DMD: variants seen among roughly 807,000 people sequenced by gnomAD.
The protein encoded by DMD is mutant dystrophin.
A neutral mutation model predicts 330.1 loss-of-function variants in DMD; 63 were observed. The observed-to-expected ratio is 0.19, with a 90% CI of 0.16 to 0.24. The LOEUF (loss-of-function observed/expected upper bound fraction) is 0.24, where lower values mean the gene tolerates loss of function less well. Among genes scored for constraint, DMD ranks in the 10% least tolerant of loss-of-function variants. DMD has a pLI of 1.00. For missense variants in DMD, 3,344 were observed against 2,684.1 expected (o/e 1.25, Z -5.43); for synonymous variants, 1,223 against 959.8 (o/e 1.27, Z -5.07).
chrX:32,877,955 G>A (rs1033655021), intron 2 of DMD, among the ~76,000 whole-genome samples: 2 of 111,946 alleles, frequency 1.8e-5, no homozygotes, highest in Admixed American at 1.9e-4. Flanking sequence ...CCATCCCTGA[G>A]AACATTTCCT....
intron 47 of DMD, among the ~76,000 whole-genome samples, chrX:31,909,895 T>C (rs192370019): frequency 1.8e-5 from 2 of 109,223 alleles, no homozygotes; most frequent in Admixed American, 1.9e-4. Flanking sequence ...GAGAGAGATT[T>C]TTATTTTTTC....
chrX:32,645,192 C>A, intron 9 of DMD, 40 bp from the exon 10 acceptor site: 1 of 1,170,367 alleles, frequency 8.5e-7, no homozygotes, highest in Non-Finnish European at 1.2e-6. Context: ...CAATTAATGT[C>A]TTTGCAGATT....
chrX:33,037,229 A>G (rs1401480018), intron 1 of DMD, among the ~76,000 whole-genome samples: 1 of 111,779 alleles, frequency 8.9e-6, no homozygotes, highest in Non-Finnish European at 1.9e-5. Flanking sequence ...GCTTAACAGT[A>G]GAATTAGTTC....
intron 49 of DMD, among the ~76,000 whole-genome samples, chrX:31,828,518 G>A (rs2092941518): frequency 9.1e-6 from 1 of 109,643 alleles, no homozygotes; most frequent in Non-Finnish European, 1.9e-5. Context: ...ACAAAAATTA[G>A]CTGGGCGTGG....
At chrX:31,353,007 C>T (rs1230709423) in intron 60 of DMD, among the ~76,000 whole-genome samples, 2 of 111,455 alleles carry the variant, frequency 1.8e-5, no homozygotes, top group Non-Finnish European at 3.8e-5. Flanking sequence ...AAATGATATA[C>T]CTGTGTCTTA....
At chrX:33,018,258 T>C (rs1306715227) in intron 2 of DMD, among the ~76,000 whole-genome samples, 2 of 111,850 alleles carry the variant, frequency 1.8e-5, no homozygotes, top group Non-Finnish European at 3.8e-5. Flanking sequence ...CCTGATCAGT[T>C]ATAACAGACT....
intron 47 of DMD, among the ~76,000 whole-genome samples, chrX:31,878,917 C>A (rs1024515759): frequency 9.0e-5 from 10 of 111,552 alleles, no homozygotes; most frequent in African/African-American, 3.3e-4. Context: ...CATTTGTGTA[C>A]CTCTTGTGGA....
intron 67 of DMD, among the ~76,000 whole-genome samples, chrX:31,194,323 C>T (rs2042676995): frequency 1.8e-5 from 2 of 112,237 alleles, no homozygotes; most frequent in Non-Finnish European, 3.8e-5. Flanking sequence ...AATTCTGGGG[C>T]ACTGGGGAAA....
chrX:32,626,805 T>TATA (rs2058374284), intron 11 of DMD, among the ~76,000 whole-genome samples: 1 of 102,992 alleles, frequency 9.7e-6, no homozygotes, highest in African/African-American at 4.2e-5. Context: ...GAAATTAAAG[T>TATA]ATAATAATAA....
intron 29 of DMD, among the ~76,000 whole-genome samples, chrX:32,419,284 C>T (rs192538499): frequency 1.8e-5 from 2 of 111,978 alleles, no homozygotes; most frequent in East Asian, 5.6e-4. Flanking sequence ...TACCAATGCT[C>T]ATAGCTCATC....
intron 54 of DMD, among the ~76,000 whole-genome samples, chrX:31,641,661 A>C (rs959640840): frequency 9.0e-6 from 1 of 111,412 alleles, no homozygotes; most frequent in African/African-American, 3.3e-5. Flanking sequence ...AAAGATTAAC[A>C]TTTCCTACAA....
At chrX:32,811,383 C>T (rs1305294432) in intron 6 of DMD, among the ~76,000 whole-genome samples, 1 of 110,741 alleles carries the variant, frequency 9.0e-6, no homozygotes, top group African/African-American at 3.3e-5. Context: ...AAATCAAACT[C>T]ACATATACTT....
At chrX:31,776,719 A>G (rs934062404) in intron 50 of DMD, among the ~76,000 whole-genome samples, 5 of 110,646 alleles carry the variant, frequency 4.5e-5, no homozygotes, top group Non-Finnish European at 7.6e-5. Context: ...GGAAGGAGGA[A>G]GGAATCTATT....
intron 2 of DMD, among the ~76,000 whole-genome samples, chrX:32,961,267 C>T (rs1394012089): frequency 2.7e-5 from 3 of 111,371 alleles, no homozygotes; most frequent in Non-Finnish European, 5.7e-5. Context: ...TTATCAACAG[C>T]TGAAGTAGGA....
At chrX:31,826,391 T>G (rs2092896683) in intron 49 of DMD, among the ~76,000 whole-genome samples, 2 of 112,516 alleles carry the variant, frequency 1.8e-5, no homozygotes, top group Non-Finnish European at 3.8e-5. Flanking sequence ...AGTTTTTGAT[T>G]TGGCTGTTCA....
intron 41 of DMD, among the ~76,000 whole-genome samples, chrX:32,314,542 C>A (rs2097576173): frequency 9.0e-6 from 1 of 111,336 alleles, no homozygotes; most frequent in Non-Finnish European, 1.9e-5. Context: ...CCAAAATTGA[C>A]AAATGGGATC....
At chrX:31,341,882 T>TGCGCGCGCGCGCGC (rs764854573) in intron 61 of DMD, among the ~76,000 whole-genome samples, 1 of 82,686 alleles carries the variant, frequency 1.2e-5, no homozygotes, top group African/African-American at 5.2e-5. Flanking sequence ...CGCGCGTGCG[T>TGCGCGCGCGCGCGC]GCGCGCGCGC....
intron 44 of DMD, among the ~76,000 whole-genome samples, chrX:32,191,069 T>C (rs1474628792): frequency 4.5e-5 from 5 of 111,099 alleles, no homozygotes; most frequent in African/African-American, 1.6e-4. Flanking sequence ...TTTTTCATTA[T>C]CTTGCCTATG....
intron 7 of DMD, among the ~76,000 whole-genome samples, 192 bp downstream of exon 7, chrX:32,809,301 G>T (rs1240210023): frequency 1.8e-5 from 2 of 111,776 alleles, no homozygotes; most frequent in African/African-American, 6.5e-5. Context: ...TTAGATACTG[G>T]TATTTTGAGA....
Sources: gnomAD v4.1 joint callset for allele counts (sites outside exome capture counted in the v4.1 genomes callset) on GRCh38, gnomAD v4.1.1 for gene constraint, MANE v1.5 for transcripts, NCBI Gene and HGNC (gene_info 2026-07-23, HGNC 2026-07-21) for gene names.